The following SYNGR1 variants were observed in gnomAD, a reference collection of about 807,000 sequenced individuals.
SYNGR1 encodes synaptogyrin 1, also known as synaptogyrin-1.
A neutral mutation model predicts 26.1 loss-of-function variants in SYNGR1; 14 were observed. That is an observed-to-expected ratio of 0.54 (90% CI 0.35 to 0.84). The LOEUF is 0.84. Among genes scored for constraint, SYNGR1 ranks in the 40% least tolerant of loss-of-function variants. SYNGR1 has a pLI of 0.01. For missense variants in SYNGR1, 319 were observed against 332.9 expected (o/e 0.96, Z 0.33); for synonymous variants, 141 against 150.1 (o/e 0.94, Z 0.44).
At position 39,385,228 on chromosome 22, in the gene SYNGR1, C is replaced by T. The variant is rs560944594; in HGVS notation, c.*3314C>T. 1.7e-4 allele frequency: 66 copies of T among 381,510 alleles called. No homozygotes were observed. In the East Asian group the frequency reaches 2.2e-3, roughly 13 times the overall value. The allele number at this position is 381,510 out of a possible 1,614,324, so 23.6% of individuals were successfully genotyped here. On this transcript the variant is annotated 3_prime_UTR_variant, in exon 4 of 4. Coordinates refer to ENST00000328933, the MANE Select transcript of SYNGR1 (RefSeq NM_004711.5). Reference sequence around the variant, plus strand: ...GGGCCGGCTGCCTCCCAGCGATGCACTTGACCTGACACTCCCCATGTCCTG... The same window carrying T: ...GGGCCGGCTGCCTCCCAGCGATGCATTTGACCTGACACTCCCCATGTCCTG...
At chr22:39,374,283 C>T (rs1171060432) in intron 1 of SYNGR1, 33 bp from the exon 2 acceptor site, 2 of 1,605,582 alleles carry the variant, frequency 1.2e-6, no homozygotes, top group African/African-American at 1.3e-5. Flanking sequence ...CAGGGGTCTG[C>T]CCAGGTCTAA....
At chr22:39,370,742 C>T (rs1018972775) in intron 1 of SYNGR1, among the ~76,000 whole-genome samples, 2 of 151,668 alleles carry the variant, frequency 1.3e-5, no homozygotes, top group Non-Finnish European at 2.9e-5. Context: ...CACAGGCTTC[C>T]GAGTAGCTGG....
At chr22:39,376,963 C>T in intron 3 of SYNGR1, 1 of 1,549,270 alleles carries the variant, frequency 6.5e-7, no homozygotes, top group Non-Finnish European at 8.7e-7. Context: ...GCCCCTCTTT[C>T]CCACTGGTCT....
In SYNGR1 at chr22:39,377,964, A is replaced by G. The variant is rs996573253; in HGVS notation, c.483+1767A>G. 51 of 1,286,180 alleles carry G rather than the reference A, an allele frequency of 4.0e-5. No homozygotes were observed. The African/African-American group carries it at 7.1e-4, about 18-fold the overall frequency. The allele number at this position is 1,286,180 out of a possible 1,614,324, so 79.7% of individuals were successfully genotyped here. ...GTGGGGTCCTTGGCTCCAGGAGCCC[A>G]CAGGCTGGGGAGGAGAAAACAAACA... On this transcript the variant is annotated intron_variant, in intron 3 of 3. Coordinates refer to ENST00000328933, the MANE Select transcript of SYNGR1 (RefSeq NM_004711.5).
At chr22:39,361,382 A>C in intron 1 of SYNGR1, among the ~76,000 whole-genome samples, 1 of 141,890 alleles carries the variant, frequency 7.0e-6, no homozygotes, top group African/African-American at 2.7e-5. Context: ...TTTTTGAGAC[A>C]AAGTCTTACT....
At chr22:39,372,209 G>A (rs939951036) in intron 1 of SYNGR1, among the ~76,000 whole-genome samples, 1 of 140,582 alleles carries the variant, frequency 7.1e-6, no homozygotes, top group Admixed American at 7.9e-5. Flanking sequence ...TTGGCACACT[G>A]CAACCTCCAC....
chr22:39,377,724 A>G (rs1300588112), intron 3 of SYNGR1: 2 of 1,608,432 alleles, frequency 1.2e-6, no homozygotes, highest in African/African-American at 1.3e-5. Context: ...GCAGCCCTGT[A>G]TCACCCCTGG....
At position 39,358,868 on chromosome 22, in the gene SYNGR1, C is replaced by G. The variant is rs113629090; in HGVS notation, c.99+8759C>G. ...TGTTTCTGGGACAAACGTCCCTTCA[C>G]AGATAGAGTTTTGCTCATCTCCCCG... On this transcript the variant is annotated intron_variant, in intron 1 of 3. Transcript: ENST00000328933. Among the ~76,000 whole-genome samples, 333 of 152,352 alleles carry G rather than the reference C, an allele frequency of 2.2e-3. 2 individuals are homozygous for G. The highest frequency in any genetic ancestry group is 7.7e-3 in the African/African-American group (322 of 41,586).
chr22:39,358,407 C>T (rs533742376), intron 1 of SYNGR1, among the ~76,000 whole-genome samples: 3 of 152,328 alleles, frequency 2.0e-5, no homozygotes, highest in South Asian at 4.1e-4. Flanking sequence ...TGCTCAGTTC[C>T]AAAGCTTTGT....
chr22:39,372,165 C>T (rs928516512), intron 1 of SYNGR1, among the ~76,000 whole-genome samples: 3 of 121,764 alleles, frequency 2.5e-5, no homozygotes, highest in African/African-American at 6.2e-5. Context: ...GAGTCTCACT[C>T]TGTTGCCTAA....
At position 39,364,045 on chromosome 22, in the gene SYNGR1, G is replaced by A. The variant is rs557858778; in HGVS notation, c.100-10271G>A. The A allele has an allele frequency of 5.1e-5, 68 of 1,342,590 alleles. No individual in the cohort carries two copies. The South Asian group carries it at 6.9e-4, about 14-fold the overall frequency. The allele number at this position is 1,342,590 out of a possible 1,614,324, so 83.2% of individuals were successfully genotyped here. ...TGGGCACAGCTCGCCCTGAGCCTTC[G>A]TTAGCCGACGCCCTGCAGTGGGTCC... On this transcript the variant is annotated intron_variant, in intron 1 of 3. Coordinates refer to ENST00000328933, the MANE Select transcript of SYNGR1 (RefSeq NM_004711.5).
intron 1 of SYNGR1, among the ~76,000 whole-genome samples, chr22:39,371,599 T>C (rs773601743): frequency 2.1e-4 from 32 of 151,702 alleles, no homozygotes; most frequent in Admixed American, 3.9e-4. Context: ...GAAACCAGCC[T>C]GACAAACATG....
intron 3 of SYNGR1, among the ~76,000 whole-genome samples, chr22:39,380,415 T>A (rs979892839): frequency 4.6e-5 from 7 of 151,926 alleles, no homozygotes; most frequent in African/African-American, 1.5e-4. Context: ...ATCTTTCCTT[T>A]TTTTTAGAGA....
rs1925590838 is a variant in SYNGR1, at chr22:39,384,293, C to G, written c.*2379C>G. Reference sequence around the variant, plus strand: ...GATCCTCAGCCGGAGGGCAGGGTACCAGGTAAGCTTAACTCCATCTTGGGT... The same window carrying G: ...GATCCTCAGCCGGAGGGCAGGGTACGAGGTAAGCTTAACTCCATCTTGGGT... On this transcript the variant is annotated 3_prime_UTR_variant, in exon 4 of 4. Transcript: ENST00000328933. 2.6e-6 allele frequency: 1 copy of G among 383,472 alleles called. No homozygotes were observed. The highest frequency in any genetic ancestry group is 2.1e-5 in the African/African-American group (1 of 48,366). 23.8% of individuals were successfully genotyped at this position (383,472 alleles called of 1,614,324 possible).
In SYNGR1 at chr22:39,383,999, C is replaced by G. The variant is rs1925582811; in HGVS notation, c.*2085C>G. 1 of 152,380 alleles carries G rather than the reference C, an allele frequency of 6.6e-6. No individual in the cohort carries two copies. Among genetic ancestry groups the G allele is most frequent in the African/African-American group, 2.4e-5 (1 of 41,420 alleles). The allele number at this position is 152,380 out of a possible 1,614,324, so 9.4% of individuals were successfully genotyped here. Reference sequence around the variant, plus strand: ...CCGGAGAAGGGGCTCTGTCCACAGTCCCCCGCCGCCAGGTGGCCCACATGG... The same window carrying G: ...CCGGAGAAGGGGCTCTGTCCACAGTGCCCCGCCGCCAGGTGGCCCACATGG... On this transcript the variant is annotated 3_prime_UTR_variant, in exon 4 of 4. Transcript: ENST00000328933.
At chr22:39,380,721 A>G (rs1354215678) in intron 3 of SYNGR1, among the ~76,000 whole-genome samples, 1 of 148,352 alleles carries the variant, frequency 6.7e-6, no homozygotes, top group Non-Finnish European at 1.5e-5. Context: ...CCTGGGTTCA[A>G]GCGATTCTCC....
chr22:39,378,030 C>A lies in SYNGR1; in HGVS notation c.483+1833C>A, dbSNP rs75237494. The A allele has an allele frequency of 2.7e-5, 32 of 1,197,156 alleles. No homozygotes were observed. The East Asian group carries it at 1.8e-3, about 67-fold the overall frequency. The allele number at this position is 1,197,156 out of a possible 1,614,324, so 74.2% of individuals were successfully genotyped here. On this transcript the variant is annotated intron_variant, in intron 3 of 3. Transcript: ENST00000328933. ...CAAATGGACAGCCGTGGACAGTTACCAGGTAGGTAGCGGCCCCATACATGG... is the reference window on the plus strand; with the variant it reads ...CAAATGGACAGCCGTGGACAGTTACAAGGTAGGTAGCGGCCCCATACATGG...
chr22:39,362,907 G>A (rs910244988), intron 1 of SYNGR1, among the ~76,000 whole-genome samples: 2 of 152,156 alleles, frequency 1.3e-5, no homozygotes, highest in African/African-American at 4.8e-5. Flanking sequence ...CCTGGGTCTG[G>A]GGGAGAGACG....
At chr22:39,367,472 A>AC (rs1461963246) in intron 1 of SYNGR1, among the ~76,000 whole-genome samples, 1 of 151,962 alleles carries the variant, frequency 6.6e-6, no homozygotes, top group Non-Finnish European at 1.5e-5. Flanking sequence ...AGGAGGTGAG[A>AC]CCCCAGGAGC....
Sources: allele counts gnomAD v4.1 joint callset (sites outside exome capture counted in the v4.1 genomes callset), GRCh38; gene constraint gnomAD v4.1.1; transcripts MANE v1.5; gene names NCBI Gene and HGNC (gene_info 2026-07-23, HGNC 2026-07-21).